The following RBM11 variants were observed in gnomAD, a reference collection of about 807,000 sequenced individuals.
RBM11 encodes the protein RNA binding motif protein 11.
A neutral mutation model predicts 21.4 loss-of-function variants in RBM11; 18 were observed. The ratio of observed to expected loss-of-function variants is 0.84; its 90% CI spans 0.58 to 1.25. RBM11 has a LOEUF of 1.25. RBM11 is among the 50% of genes most tolerant of loss of function. RBM11 has a pLI of 0.00. For synonymous variants in RBM11, 120 were observed against 116.3 expected (o/e 1.03, Z -0.20); for missense variants, 294 against 331.9 (o/e 0.89, Z 0.89).
chr21:14,224,671 T>G, intron 4 of RBM11, 134 bp downstream of exon 4: 3 of 1,293,792 alleles, frequency 2.3e-6, no homozygotes, highest in Non-Finnish European at 2.1e-6. Context: ...TGTCCTCCAG[T>G]GGTGTCCTGG....
chr21:14,224,367 T>C (rs1176600920), intron 3 of RBM11, 71 bp from the exon 4 acceptor site: 20 of 1,497,148 alleles, frequency 1.3e-5, no homozygotes, highest in Non-Finnish European at 1.8e-5. Flanking sequence ...ATAGTGGTTT[T>C]TCTTAAGAGA....
intron 1 of RBM11, among the ~76,000 whole-genome samples, chr21:14,218,285 T>G (rs139730293): frequency 9.8e-5 from 15 of 152,318 alleles, no homozygotes; most frequent in African/African-American, 1.9e-4. Flanking sequence ...TGTATAAAAA[T>G]CACCAATTTT....
chr21:14,216,316 G>T (rs747365257), intron 1 of RBM11, 34 bp downstream of exon 1: 1 of 1,586,460 alleles, frequency 6.3e-7, no homozygotes, highest in Non-Finnish European at 8.6e-7. Context: ...CGGAGGGGCG[G>T]AGCACGTCGG....
chr21:14,227,461 G>T lies in RBM11; in HGVS notation c.*168G>T. 1 of 707,750 alleles carries T rather than the reference G, an allele frequency of 1.4e-6. No homozygotes were observed. The highest frequency in any genetic ancestry group is 2.2e-6 in the Non-Finnish European group (1 of 456,684). 43.8% of individuals were successfully genotyped at this position (707,750 alleles called of 1,614,324 possible). Reference sequence around the variant, plus strand: ...TCAATTTTTGCCTTGAACGACAAAAGCTTTCTAAAAATAGTATAATGTACC... The same window carrying T: ...TCAATTTTTGCCTTGAACGACAAAATCTTTCTAAAAATAGTATAATGTACC... On this transcript the variant is annotated 3_prime_UTR_variant, in exon 5 of 5. Transcript: ENST00000400577.
intron 3 of RBM11, 60 bp downstream of exon 3, chr21:14,221,229 G>C: frequency 6.8e-7 from 1 of 1,477,732 alleles, no homozygotes; most frequent in South Asian, 1.4e-5. Flanking sequence ...GCCAAGAGGA[G>C]TTTTTATATA....
chr21:14,221,960 T>C (rs1260328474), intron 3 of RBM11, among the ~76,000 whole-genome samples: 1 of 152,222 alleles, frequency 6.6e-6, no homozygotes, highest in Non-Finnish European at 1.5e-5. Context: ...CTGCAGCCTC[T>C]CTAAGTGGTT....
Position 14,227,684 on chromosome 21 carries a change from A to G in RBM11, c.*391A>G, listed in dbSNP as rs1020424073. The G allele has an allele frequency of 5.7e-6, 1 of 174,040 alleles. No individual in the cohort carries two copies. The highest frequency in any genetic ancestry group is 5.9e-5 in the Admixed American group (1 of 16,946). 10.8% of individuals were successfully genotyped at this position (174,040 alleles called of 1,614,324 possible). A position where few individuals can be genotyped will look rare whatever the true frequency, so the allele number is the denominator to read the frequency against. On this transcript the variant is annotated 3_prime_UTR_variant, in exon 5 of 5. Transcript: ENST00000400577. Reference sequence around the variant, plus strand: ...ACAAATAGGCTGGGATTCAATGTGGAGTGGTGGATTTCCTGAAAGAAAGTA... The same window carrying G: ...ACAAATAGGCTGGGATTCAATGTGGGGTGGTGGATTTCCTGAAAGAAAGTA...
rs149708436 is a variant in RBM11 at position 14,227,945 on chromosome 21, T to C, written c.*652T>C. 4.6e-3 allele frequency: 705 copies of C among 152,368 alleles called. 14 individuals carry two copies. The highest frequency in any genetic ancestry group is 3.2e-3 in the Non-Finnish European group (218 of 68,060). 9.4% of individuals were successfully genotyped at this position (152,368 alleles called of 1,614,324 possible). A position where few individuals can be genotyped will look rare whatever the true frequency, so the allele number is the denominator to read the frequency against. ...TGTATTTATAGGGATACCTTCCTCT[T>C]CTCACATATTAATTGTATGTCATTA... is the stretch of plus-strand genomic sequence containing the variant. On this transcript the variant is annotated 3_prime_UTR_variant, in exon 5 of 5. Coordinates refer to ENST00000400577, the MANE Select transcript of RBM11 (RefSeq NM_144770.5).
At chr21:14,223,503 T>A (rs1978845510) in intron 3 of RBM11, among the ~76,000 whole-genome samples, 1 of 152,202 alleles carries the variant, frequency 6.6e-6, no homozygotes, top group South Asian at 2.1e-4. Flanking sequence ...AGCAGCATTG[T>A]TTCTTTATGA....
rs1979205431 is a variant in RBM11 at position 14,227,469 on chromosome 21, A to G, written c.*176A>G. 12 of 653,904 alleles carry G rather than the reference A, an allele frequency of 1.8e-5. No individual in the cohort carries two copies. In the South Asian group the frequency reaches 2.9e-4, roughly 16 times the overall value. 40.5% of individuals were successfully genotyped at this position (653,904 alleles called of 1,614,324 possible). ...TGCCTTGAACGACAAAAGCTTTCTA[A>G]AAATAGTATAATGTACCACTTTTTG... On this transcript the variant is annotated 3_prime_UTR_variant, in exon 5 of 5. Coordinates refer to ENST00000400577, the MANE Select transcript of RBM11 (RefSeq NM_144770.5).
chr21:14,219,608 A>C lies in RBM11; in HGVS notation c.142A>C (p.Lys48Gln). Residue 48 changes from lysine (K) to glutamine (Q), a missense_variant, in exon 2 of 5, where the codon AAG (lysine) becomes CAG (glutamine). This residue lies in a region of RBM11 where 181 missense variants were observed against 164.6 expected (regional missense o/e 1.10). Transcript: ENST00000400577. ...GACTATATGCAAAGACAGAGAAGGA[A>C]AGCCAAAGTCTTTTGGATTTGTCTG... Reference protein sequence around the residue: ...KVTICKDREGKPKSFGFVCFK... With the variant: ...KVTICKDREGQPKSFGFVCFK... 1 of 1,593,282 alleles carries C rather than the reference A, an allele frequency of 6.3e-7. No homozygotes were observed. Among genetic ancestry groups the C allele is most frequent in the Non-Finnish European group, 8.6e-7 (1 of 1,166,140 alleles).
Position 14,224,514 on chromosome 21 carries a change from G to A in RBM11, c.409G>A (p.Glu137Lys). 4 of 1,553,750 alleles carry A rather than the reference G, an allele frequency of 2.6e-6. No homozygotes were observed. Among genetic ancestry groups the A allele is most frequent in the Non-Finnish European group, 3.5e-6 (4 of 1,148,186 alleles). Reference sequence around the variant, plus strand: ...AATTAATAATACTTCTTTACCTCAAGAATATTTTCTCTTTCAGAAGATGGT... The same window carrying A: ...AATTAATAATACTTCTTTACCTCAAAAATATTTTCTCTTTCAGAAGATGGT... Reference protein sequence around the residue: ...FPINNTSLPQEYFLFQKMQWH... With the variant: ...FPINNTSLPQKYFLFQKMQWH... Residue 137 changes from glutamate to lysine, a missense_variant, in exon 4 of 5, where the codon GAA (glutamate) becomes AAA (lysine). By Grantham distance (56) the Glu-to-Lys change is moderately conservative. Around this residue, in one of 2 missense-constraint regions of RBM11, gnomAD observed 181 missense variants for 164.6 expected, o/e 1.10. Coordinates refer to ENST00000400577, the MANE Select transcript of RBM11 (RefSeq NM_144770.5).
At chr21:14,217,362 G>C (rs1219935901) in intron 1 of RBM11, among the ~76,000 whole-genome samples, 1 of 152,112 alleles carries the variant, frequency 6.6e-6, no homozygotes, top group African/African-American at 2.4e-5. Flanking sequence ...GAAATCAATA[G>C]TTACTTTCTC....
chr21:14,227,376 T>C lies in RBM11; in HGVS notation c.*83T>C, dbSNP rs1020515698. 2 of 1,345,940 alleles carry C rather than the reference T, an allele frequency of 1.5e-6. No individual in the cohort carries two copies. The highest frequency in any genetic ancestry group is 3.0e-5 in the South Asian group (2 of 67,612). 83.4% of individuals were successfully genotyped at this position (1,345,940 alleles called of 1,614,324 possible). A position where few individuals can be genotyped will look rare whatever the true frequency, so the allele number is the denominator to read the frequency against. On this transcript the variant is annotated 3_prime_UTR_variant, in exon 5 of 5. Transcript: ENST00000400577. ...AGATGTTATCCCATCAAATAAACAA[T>C]GTCATGGCTATCTTGTCTTTTGAAA...
intron 1 of RBM11, among the ~76,000 whole-genome samples, chr21:14,217,412 G>A (rs1346357175): frequency 6.6e-6 from 1 of 152,114 alleles, no homozygotes; most frequent in Non-Finnish European, 1.5e-5. Flanking sequence ...GGCAATTACA[G>A]AACTAAATTT....
In RBM11 at chr21:14,225,310, A is replaced by G. The variant is rs181789544; in HGVS notation, c.432+773A>G. ...TTCATGCACACATCACAGGGGAAGGATATCATAGCAATGAAGATTCTCAAT... is the reference window on the plus strand; with the variant it reads ...TTCATGCACACATCACAGGGGAAGGGTATCATAGCAATGAAGATTCTCAAT... On this transcript the variant is annotated intron_variant, in intron 4 of 4. Transcript: ENST00000400577. Among the ~76,000 whole-genome samples, 414 of 152,346 alleles carry G rather than the reference A, an allele frequency of 2.7e-3. 2 individuals carry two copies. Among genetic ancestry groups the G allele is most frequent in the African/African-American group, 9.2e-3 (382 of 41,574 alleles).
chr21:14,221,539 G>A (rs424759), intron 3 of RBM11: 31,826 of 156,242 alleles, frequency 0.2, 3,351 homozygotes, highest in African/African-American at 0.25. Flanking sequence ...TAAGGTCACA[G>A]GATGATAAAG....
At position 14,219,775 on chromosome 21, in the gene RBM11, T is replaced by A. The variant is rs1275938439; in HGVS notation, c.259+50T>A. ...TCAAAGTGTTTTGTGGTTGGTACTA[T>A]TCTCAGAGTTGTAAGCAATTTGTTT... On this transcript the variant is annotated intron_variant, in intron 2 of 4. Transcript: ENST00000400577. 5 of 1,449,072 alleles carry A rather than the reference T, an allele frequency of 3.5e-6. No homozygotes were observed. In the East Asian group the frequency reaches 1.2e-4, roughly 34 times the overall value. 89.8% of individuals were successfully genotyped at this position (1,449,072 alleles called of 1,614,324 possible).
chr21:14,228,327 T>G lies in RBM11; in HGVS notation c.*1034T>G, dbSNP rs1186921191. On this transcript the variant is annotated 3_prime_UTR_variant, in exon 5 of 5. Coordinates refer to ENST00000400577, the MANE Select transcript of RBM11 (RefSeq NM_144770.5). ...TTCTTTTGCATGTTGCCTAGCATTT[T>G]ATAGATATTTATTATTTAAAAAAAT... 1.3e-5 allele frequency: 2 copies of G among 152,164 alleles called. No individual in the cohort carries two copies. The highest frequency in any genetic ancestry group is 4.8e-5 in the African/African-American group (2 of 41,466). 9.4% of individuals were successfully genotyped at this position (152,164 alleles called of 1,614,324 possible). A position where few individuals can be genotyped will look rare whatever the true frequency, so the allele number is the denominator to read the frequency against.
Sources: allele counts gnomAD v4.1 joint callset (sites outside exome capture counted in the v4.1 genomes callset), GRCh38; gene constraint gnomAD v4.1.1; regional missense constraint gnomAD v4.1.1; transcripts MANE v1.5; gene names NCBI Gene and HGNC (gene_info 2026-07-23, HGNC 2026-07-21).